Variants in ZNF644 observed in about 807,000 individuals in gnomAD.
The protein encoded by ZNF644 is zinc finger protein 644, also known as zinc finger motif enhancer binding protein 2.
In ZNF644, 20 loss-of-function variants were observed where a neutral mutation model predicts 108.0. The ratio of observed to expected loss-of-function variants is 0.19; its 90% CI spans 0.13 to 0.27. The LOEUF is 0.27. Among genes scored for constraint, ZNF644 ranks in the 10% least tolerant of loss-of-function variants. The pLI is 1.00. For missense variants in ZNF644, 1,338 were observed against 1,548.9 expected (o/e 0.86, Z 2.29); for synonymous variants, 542 against 539.1 (o/e 1.01, Z -0.08).
At chr1:90,994,298 G>A (rs563411840) in intron 1 of ZNF644, among the ~76,000 whole-genome samples, 5 of 152,134 alleles carry the variant, frequency 3.3e-5, no homozygotes, top group Non-Finnish European at 7.3e-5. Flanking sequence ...TGCACTCATC[G>A]ATCCTTCAAT....
At chr1:90,923,249 T>C (rs548492310) in intron 4 of ZNF644, among the ~76,000 whole-genome samples, 175 of 152,296 alleles carry the variant, frequency 1.1e-3, no homozygotes, top group Non-Finnish European at 2.1e-3. Flanking sequence ...TCATTTTGCA[T>C]TGGACTTTGC....
chr1:90,951,116 A>C lies in ZNF644; in HGVS notation c.45-9807T>G, dbSNP rs372457018. Among the ~76,000 whole-genome samples the C allele has an allele frequency of 1.2e-4, 18 of 152,340 alleles. No homozygotes were observed. The South Asian group carries it at 3.7e-3, about 32-fold the overall frequency. On this transcript the variant is annotated intron_variant, in intron 2 of 5. Transcript: ENST00000337393. The stretch of plus-strand genomic sequence containing the variant: ...ATCTTCAAAATACATCCAGAATCCA[A>C]TCACTTCTCATCACTGCTATACCCA...
chr1:90,991,633 C>G (rs1009084000), intron 1 of ZNF644, among the ~76,000 whole-genome samples: 7 of 152,122 alleles, frequency 4.6e-5, no homozygotes, highest in Non-Finnish European at 7.4e-5. Flanking sequence ...AAAGGGGAAG[C>G]AAGCGCATCT....
chr1:90,997,559 A>G (rs1264607356), intron 1 of ZNF644, among the ~76,000 whole-genome samples: 2 of 152,178 alleles, frequency 1.3e-5, no homozygotes, highest in African/African-American at 2.4e-5. Context: ...GATATTAAAA[A>G]AAAAAGGGGA....
chr1:90,979,311 A>C (rs987722481), intron 2 of ZNF644, among the ~76,000 whole-genome samples: 7 of 152,114 alleles, frequency 4.6e-5, no homozygotes, highest in African/African-American at 1.4e-4. Flanking sequence ...ATCTCTACTT[A>C]AAAAATACAA....
chr1:91,013,458 CACACACACACACACACACACACACAT>C (rs1310691573), intron 1 of ZNF644, among the ~76,000 whole-genome samples: 6 of 64,922 alleles, frequency 9.2e-5, no homozygotes, highest in South Asian at 9.7e-4. Flanking sequence ...CTCTCACACA[CACACACACACACACACACACACACAT>C]ACACACACAC....
At chr1:90,997,710 C>A (rs1658290518) in intron 1 of ZNF644, among the ~76,000 whole-genome samples, 4 of 152,142 alleles carry the variant, frequency 2.6e-5, no homozygotes, top group Admixed American at 2.6e-4. Flanking sequence ...ACAGTGGGTG[C>A]AGCCCACCAA....
Position 90,940,022 on chromosome 1 carries a change from G to A in ZNF644, c.1332C>T (p.Val444=), listed in dbSNP as rs1557571648. Residue 444 remains valine (V), a synonymous_variant, in exon 3 of 6, where the codon GTC becomes GTT. Coordinates refer to ENST00000337393, the MANE Select transcript of ZNF644 (RefSeq NM_201269.3). ...DGNSHFRHLN[V]PRPYACRECG... ...ATTCTCTACAAGCATATGGCCTTGG[G>A]ACATTAAGATGGCGAAAGTGACTAT... 1 of 1,614,018 alleles carries A rather than the reference G, an allele frequency of 6.2e-7. No individual in the cohort carries two copies. The highest frequency in any genetic ancestry group is 2.2e-5 in the East Asian group (1 of 44,872).
At chr1:91,017,748 G>A (rs902316798) in intron 1 of ZNF644, among the ~76,000 whole-genome samples, 19 of 152,126 alleles carry the variant, frequency 1.2e-4, no homozygotes, top group African/African-American at 4.3e-4. Context: ...AATCACCTGA[G>A]GTCAGGAGTT....
intron 1 of ZNF644, among the ~76,000 whole-genome samples, chr1:91,006,257 T>C (rs926140192): frequency 2.3e-4 from 35 of 152,080 alleles, no homozygotes; most frequent in Non-Finnish European, 4.4e-4. Flanking sequence ...GCCCAGGACC[T>C]AGCCAACCAC....
chr1:90,930,143 G>T (rs957917774), intron 4 of ZNF644, among the ~76,000 whole-genome samples: 2 of 152,042 alleles, frequency 1.3e-5, no homozygotes, highest in Non-Finnish European at 2.9e-5. Flanking sequence ...AAAATTAGCC[G>T]GGCGTGATGG....
At chr1:90,918,000 T>G (rs1648992191) in intron 5 of ZNF644, 52 bp downstream of exon 5, 1 of 1,474,042 alleles carries the variant, frequency 6.8e-7, no homozygotes, top group African/African-American at 1.4e-5. Flanking sequence ...GCTAATATGT[T>G]TCAAAGCAAA....
chr1:90,951,250 A>G (rs576791279), intron 2 of ZNF644, among the ~76,000 whole-genome samples: 1 of 152,268 alleles, frequency 6.6e-6, no homozygotes, highest in Non-Finnish European at 1.5e-5. Flanking sequence ...CCATACAGAT[A>G]ATGTCCCTCA....
chr1:91,013,451 T>TCACACACACACACACACA (rs10590932), intron 1 of ZNF644, among the ~76,000 whole-genome samples: 2 of 140,052 alleles, frequency 1.4e-5, no homozygotes, highest in African/African-American at 2.6e-5. Context: ...AATCTCTCTC[T>TCACACACACACACACACA]CACACACACA....
intron 2 of ZNF644, among the ~76,000 whole-genome samples, chr1:90,968,247 T>C (rs911090564): frequency 1.6e-4 from 24 of 152,246 alleles, no homozygotes; most frequent in African/African-American, 5.8e-4. Context: ...TAAAATTTCC[T>C]AGGTATGTAA....
At chr1:90,975,469 G>A (rs1220310591) in intron 2 of ZNF644, among the ~76,000 whole-genome samples, 3 of 139,214 alleles carry the variant, frequency 2.2e-5, no homozygotes, top group Admixed American at 7.8e-5. Context: ...ACAGAGTCTC[G>A]CTCTGTCTCC....
At chr1:90,958,963 A>G (rs1310876024) in intron 2 of ZNF644, among the ~76,000 whole-genome samples, 1 of 152,220 alleles carries the variant, frequency 6.6e-6, no homozygotes, top group Non-Finnish European at 1.5e-5. Flanking sequence ...AACAAAAAAC[A>G]GAAATTGAAC....
chr1:90,940,524 TCTA>T lies in ZNF644; in HGVS notation c.827_829del (p.Val276del). ...TATTTTAGAATGAGGTGGAGCTTTA[TCTA>T]CTGTTTCCTCATTAGTCATAAGAAA... On this transcript the variant is annotated inframe_deletion, in exon 3 of 6. Transcript: ENST00000337393. 1 of 1,614,016 alleles carries T rather than the reference TCTA, an allele frequency of 6.2e-7. No homozygotes were observed. The highest frequency in any genetic ancestry group is 8.5e-7 in the Non-Finnish European group (1 of 1,179,958).
intron 1 of ZNF644, among the ~76,000 whole-genome samples, chr1:90,993,766 G>A (rs966144691): frequency 3.3e-5 from 5 of 152,116 alleles, no homozygotes; most frequent in Non-Finnish European, 5.9e-5. Context: ...TGTAAGTAAT[G>A]TCACCATTCA....
Sources: gnomAD v4.1 joint callset for allele counts (sites outside exome capture counted in the v4.1 genomes callset) on GRCh38, gnomAD v4.1.1 for gene constraint, MANE v1.5 for transcripts, NCBI Gene and HGNC (gene_info 2026-07-23, HGNC 2026-07-21) for gene names.